Variants in ADGRB3 observed in about 807,000 individuals in gnomAD.
ADGRB3 encodes brain-specific angiogenesis inhibitor 3.
In ADGRB3, 37 loss-of-function variants were observed where a neutral mutation model predicts 193.4. That is an observed-to-expected ratio of 0.19 (90% CI 0.15 to 0.25). The LOEUF (loss-of-function observed/expected upper bound fraction) is 0.25, where lower values mean the gene tolerates loss of function less well. Among genes scored for constraint, ADGRB3 ranks in the 10% least tolerant of loss-of-function variants. The pLI, the probability that ADGRB3 is intolerant of heterozygous loss-of-function variation, is 1.00. For synonymous variants in ADGRB3, 690 were observed against 644.2 expected, an observed-to-expected ratio of 1.07 and a Z score of -1.08; for missense variants, 1,637 against 1,852.9, an observed-to-expected ratio of 0.88 and a Z score of 2.14.
At chr6:69,326,070 C>T (rs1409687014) in intron 21 of ADGRB3, among the ~76,000 whole-genome samples, 1 of 152,082 alleles carries the variant, frequency 6.6e-6, no homozygotes, top group African/African-American at 2.4e-5. Flanking sequence ...GGCAAAACCC[C>T]ATCTCTACCA....
intron 11 of ADGRB3, among the ~76,000 whole-genome samples, chr6:69,003,787 A>G (rs1338205114): frequency 6.6e-6 from 1 of 152,202 alleles, no homozygotes; most frequent in Non-Finnish European, 1.5e-5. Flanking sequence ...ACATGGTTAA[A>G]TCCTACCGTG....
intron 20 of ADGRB3, among the ~76,000 whole-genome samples, chr6:69,315,650 G>A (rs1240768827): frequency 2.6e-5 from 4 of 151,282 alleles, no homozygotes; most frequent in East Asian, 1.9e-4. Context: ...TCTTTCCATA[G>A]CATAATTAAT....
intron 3 of ADGRB3, among the ~76,000 whole-genome samples, chr6:68,714,757 C>T (rs1248025328): frequency 1.3e-5 from 2 of 151,728 alleles, no homozygotes; most frequent in African/African-American, 2.4e-5. Flanking sequence ...CTTAAAATAT[C>T]TGCTAGTTTA....
rs1562133338 is a variant in ADGRB3, at chr6:69,040,392, T to TTTCTTTCTTTCC, written c.2108-7790_2108-7789insTTTCTTTCCTTC. On this transcript the variant is annotated intron_variant, in intron 13 of 31. Transcript: ENST00000370598. ...TTCTTTCTTTCCTTCTCTCTCTTTC[T>TTTCTTTCTTTCC]TTCCTTCACGCAGGTGACTCCATTT... 6.1e-5 allele frequency among the ~76,000 whole-genome samples: 9 copies of TTTCTTTCTTTCC among 147,300 alleles called. No homozygotes were observed. The East Asian group carries it at 1.4e-3, about 23-fold the overall frequency.
At chr6:69,317,099 A>G (rs1399325819) in intron 20 of ADGRB3, among the ~76,000 whole-genome samples, 1 of 151,556 alleles carries the variant, frequency 6.6e-6, no homozygotes, top group East Asian at 1.9e-4. Flanking sequence ...ACATAGGTGT[A>G]TGTATTTATA....
intron 26 of ADGRB3, among the ~76,000 whole-genome samples, chr6:69,340,069 A>T (rs1293838637): frequency 2.0e-5 from 3 of 152,208 alleles, no homozygotes; most frequent in African/African-American, 7.2e-5. Context: ...TTAGAAAAAT[A>T]CTAAAAATGT....
At chr6:69,044,462 T>C (rs1771182669) in intron 13 of ADGRB3, among the ~76,000 whole-genome samples, 1 of 152,218 alleles carries the variant, frequency 6.6e-6, no homozygotes, top group African/African-American at 2.4e-5. Context: ...TATCCTGCTT[T>C]GATGTATCAA....
rs116255144 is a variant in ADGRB3 at position 68,800,795 on chromosome 6, A to T, written c.758-129764A>T. 2.3e-3 allele frequency among the ~76,000 whole-genome samples: 355 copies of T among 152,278 alleles called. 1 individual carries two copies. The highest frequency in any genetic ancestry group is 8.1e-3 in the African/African-American group (338 of 41,550). On this transcript the variant is annotated intron_variant, in intron 3 of 31. Coordinates refer to ENST00000370598, the MANE Select transcript of ADGRB3 (RefSeq NM_001704.3). ...TAAGATGCATACCGATGAAATTGTT[A>T]TACAAAAATAAAAGCATTAATATTA...
intron 17 of ADGRB3, among the ~76,000 whole-genome samples, chr6:69,117,870 T>G (rs1773577985): frequency 6.6e-6 from 1 of 152,186 alleles, no homozygotes; most frequent in South Asian, 2.1e-4. Flanking sequence ...ATATCCACAA[T>G]GTAAAGCTGT....
At chr6:69,005,231 G>GCC (rs1164425724) in intron 11 of ADGRB3, among the ~76,000 whole-genome samples, 1 of 151,316 alleles carries the variant, frequency 6.6e-6, no homozygotes, top group African/African-American at 2.4e-5. Flanking sequence ...CTGAGCTCAT[G>GCC]CCCCAAAGCA....
chr6:68,702,230 G>GA (rs70987432), intron 3 of ADGRB3, among the ~76,000 whole-genome samples: 19 of 146,442 alleles, frequency 1.3e-4, no homozygotes, highest in African/African-American at 3.5e-4. Flanking sequence ...GAGAGAGAGA[G>GA]GAGAGGGAGG....
At chr6:69,136,899 A>G (rs1774164606) in intron 17 of ADGRB3, among the ~76,000 whole-genome samples, 1 of 152,020 alleles carries the variant, frequency 6.6e-6, no homozygotes, top group Admixed American at 6.6e-5. Flanking sequence ...TGAATACATA[A>G]TATTTTCTAC....
intron 3 of ADGRB3, among the ~76,000 whole-genome samples, chr6:68,704,969 A>AT (rs1229583427): frequency 2.6e-5 from 4 of 152,174 alleles, no homozygotes; most frequent in African/African-American, 4.8e-5. Context: ...CTGGGAAAAT[A>AT]TTTTTTAAAT....
intron 26 of ADGRB3, among the ~76,000 whole-genome samples, chr6:69,342,888 A>AT (rs1291192635): frequency 6.6e-6 from 1 of 151,858 alleles, no homozygotes; most frequent in African/African-American, 2.4e-5. Context: ...TAAAATATAT[A>AT]TTTTTTAATT....
At chr6:69,309,691 C>T (rs1010144689) in intron 20 of ADGRB3, among the ~76,000 whole-genome samples, 2 of 151,560 alleles carry the variant, frequency 1.3e-5, no homozygotes, top group Non-Finnish European at 3.0e-5. Context: ...GGGTTCTCTT[C>T]CCTGTGGAAT....
At chr6:68,872,924 C>G (rs579588) in intron 3 of ADGRB3, among the ~76,000 whole-genome samples, 3 of 151,836 alleles carry the variant, frequency 2.0e-5, no homozygotes, top group African/African-American at 7.3e-5. Flanking sequence ...AGCTCAAACA[C>G]TCTAGGACCA....
chr6:69,250,328 G>GTT (rs1426436032), intron 20 of ADGRB3, among the ~76,000 whole-genome samples: 2 of 16,512 alleles, frequency 1.2e-4, no homozygotes, highest in Admixed American at 7.0e-4. Flanking sequence ...ACTTATTTTT[G>GTT]TTTATTTTTA....
At chr6:69,367,519 C>G in intron 29 of ADGRB3, among the ~76,000 whole-genome samples, 1 of 151,904 alleles carries the variant, frequency 6.6e-6, no homozygotes, top group Non-Finnish European at 1.5e-5. Context: ...TCCTCTCCAG[C>G]ACCTGTTGTT....
intron 17 of ADGRB3, among the ~76,000 whole-genome samples, chr6:69,104,370 C>T (rs970014069): frequency 1.3e-5 from 2 of 151,212 alleles, no homozygotes; most frequent in African/African-American, 2.4e-5. Flanking sequence ...ATGAACTCAT[C>T]GTTTTCTATG....
Sources: allele counts gnomAD v4.1 joint callset (sites outside exome capture counted in the v4.1 genomes callset), GRCh38; gene constraint gnomAD v4.1.1; transcripts MANE v1.5; gene names NCBI Gene and HGNC (gene_info 2026-07-23, HGNC 2026-07-21).